ARHGEF3: variants seen among roughly 807,000 people sequenced by gnomAD.
ARHGEF3 encodes 59.8 kDA protein.
A neutral mutation model predicts 63.2 loss-of-function variants in ARHGEF3; 28 were observed. The observed-to-expected ratio is 0.44, with a 90% CI of 0.33 to 0.61. ARHGEF3 has a LOEUF of 0.61. Ranked by LOEUF, ARHGEF3 falls within the 20% of genes least tolerant of loss-of-function variation. The probability of loss-of-function intolerance (pLI) is 0.03; values close to 1 mark genes in which losing one functional copy is unlikely to be tolerated. For missense variants in ARHGEF3, 533 were observed against 659.3 expected, an observed-to-expected ratio of 0.81 and a Z score of 2.10; for synonymous variants, 266 against 254.2, an observed-to-expected ratio of 1.05 and a Z score of -0.44.
chr3:56,810,831 C>T (rs986606197), intron 4 of ARHGEF3, among the ~76,000 whole-genome samples: 1 of 152,168 alleles, frequency 6.6e-6, no homozygotes. Context: ...TCTTTGGCAG[C>T]AGACCCAGAA....
At chr3:56,915,045 T>G (rs754814321) in intron 3 of ARHGEF3, among the ~76,000 whole-genome samples, 3 of 152,168 alleles carry the variant, frequency 2.0e-5, no homozygotes, top group Non-Finnish European at 2.9e-5. Context: ...GAAAAAAAAT[T>G]AGTATGTCTA....
chr3:56,808,897 A>G (rs1578571279), intron 4 of ARHGEF3, among the ~76,000 whole-genome samples: 1 of 152,214 alleles, frequency 6.6e-6, no homozygotes, highest in South Asian at 2.1e-4. Context: ...AGCTTCCCAT[A>G]ACAAAGAATT....
At chr3:56,775,406 A>C in intron 1 of ARHGEF3, 1 of 1,031,752 alleles carries the variant, frequency 9.7e-7, no homozygotes, top group Non-Finnish European at 1.2e-6. Context: ...ATTCAATACA[A>C]TCTCACAATG....
chr3:56,813,492 G>A (rs949997250), intron 4 of ARHGEF3, among the ~76,000 whole-genome samples: 2 of 152,140 alleles, frequency 1.3e-5, no homozygotes, highest in African/African-American at 2.4e-5. Context: ...CTGTCTCACC[G>A]TGTTATCGAA....
chr3:56,751,454 T>C, intron 4 of ARHGEF3, 58 bp from the exon 5 acceptor site: 1 of 1,440,810 alleles, frequency 6.9e-7, no homozygotes, highest in Non-Finnish European at 9.7e-7. Flanking sequence ...AAGTACATTG[T>C]TCATGTAAGT....
intron 3 of ARHGEF3, chr3:56,939,760 G>C (rs1330177164): frequency 1.3e-5 from 2 of 152,178 alleles, no homozygotes; most frequent in African/African-American, 4.8e-5. Context: ...TGCCCACATG[G>C]AGTCAGACAG....
At chr3:57,073,063 G>GA in intron 1 of ARHGEF3, among the ~76,000 whole-genome samples, 1 of 151,934 alleles carries the variant, frequency 6.6e-6, no homozygotes, top group East Asian at 1.9e-4. Flanking sequence ...ATAAATAAAA[G>GA]AAAAAACATT....
intron 1 of ARHGEF3, chr3:56,775,600 A>G (rs7646054): frequency 0.58 from 569,034 of 985,346 alleles, 165,883 homozygotes; most frequent in East Asian, 0.83. Context: ...CCCAAGATGA[A>G]AGCCATTGCG....
chr3:56,967,573 T>C (rs1700604784), intron 2 of ARHGEF3, among the ~76,000 whole-genome samples: 1 of 89,846 alleles, frequency 1.1e-5, no homozygotes, highest in Non-Finnish European at 1.9e-5. Context: ...ATATAATATA[T>C]ATTATACATA....
chr3:56,960,396 G>A (rs553069876), intron 2 of ARHGEF3, among the ~76,000 whole-genome samples: 4 of 152,248 alleles, frequency 2.6e-5, no homozygotes, highest in Admixed American at 6.5e-5. Flanking sequence ...GTTTATTAGC[G>A]CTGTGACTCT....
At chr3:56,756,792 G>A (rs1458043566) in intron 2 of ARHGEF3, among the ~76,000 whole-genome samples, 5 of 151,914 alleles carry the variant, frequency 3.3e-5, no homozygotes, top group Non-Finnish European at 7.4e-5. Flanking sequence ...CTCGTGATCC[G>A]CCCGCCTCGG....
intron 4 of ARHGEF3, among the ~76,000 whole-genome samples, chr3:56,837,606 TGGAGC>T (rs2108096619): frequency 6.6e-6 from 1 of 152,322 alleles, no homozygotes; most frequent in African/African-American, 2.4e-5. Context: ...AAATGTTGTA[TGGAGC>T]AGGGCCTGTG....
intron 4 of ARHGEF3, among the ~76,000 whole-genome samples, chr3:56,871,800 G>A (rs897953950): frequency 3.3e-5 from 5 of 151,988 alleles, no homozygotes; most frequent in African/African-American, 1.2e-4. Flanking sequence ...TAAAATTCAG[G>A]GCATCTTCAA....
chr3:56,912,042 C>A (rs531254605), intron 3 of ARHGEF3, among the ~76,000 whole-genome samples: 10 of 151,954 alleles, frequency 6.6e-5, no homozygotes, highest in African/African-American at 2.2e-4. Context: ...CAGCCAATTA[C>A]ATTTTGAGTT....
At chr3:56,925,826 CAGGACA>C (rs2108379063) in intron 3 of ARHGEF3, among the ~76,000 whole-genome samples, 1 of 152,322 alleles carries the variant, frequency 6.6e-6, no homozygotes, top group Non-Finnish European at 1.5e-5. Context: ...ACCAAAGCCA[CAGGACA>C]GCCTGGCTCT....
chr3:56,947,505 C>A (rs905012710), intron 3 of ARHGEF3, among the ~76,000 whole-genome samples: 1 of 152,088 alleles, frequency 6.6e-6, no homozygotes, highest in African/African-American at 2.4e-5. Context: ...ACACTTTAAA[C>A]CAACAAAGAT....
chr3:56,882,441 C>T lies in ARHGEF3; in HGVS notation c.130-87G>A. On this transcript the variant is annotated intron_variant, in intron 3 of 12. Coordinates refer to the ARHGEF3 transcript ENST00000338458. ...CAAGAAAAAAAGCAATCAAATAGCA[C>T]ATGCAATCCTTATCATTTCTACCAT... 6.7e-6 allele frequency: 7 copies of T among 1,041,884 alleles called. No individual in the cohort carries two copies. In the South Asian group the frequency reaches 8.2e-5, roughly 12 times the overall value. The allele number at this position is 1,041,884 out of a possible 1,614,324, so 64.5% of individuals were successfully genotyped here. A position where few individuals can be genotyped will look rare whatever the true frequency, so the allele number is the denominator to read the frequency against.
At chr3:56,778,064 C>T (rs1425005721) in intron 1 of ARHGEF3, among the ~76,000 whole-genome samples, 2 of 152,128 alleles carry the variant, frequency 1.3e-5, no homozygotes, top group Non-Finnish European at 2.9e-5. Context: ...CACCCAGGAA[C>T]CTTCTAGGTG....
chr3:57,039,636 G>T (rs867262807), intron 1 of ARHGEF3, among the ~76,000 whole-genome samples: 2 of 152,190 alleles, frequency 1.3e-5, no homozygotes, highest in South Asian at 2.1e-4. Context: ...ACGTTCTAGA[G>T]GAGACTCTGT....
Sources: allele counts gnomAD v4.1 joint callset (sites outside exome capture counted in the v4.1 genomes callset), GRCh38; gene constraint gnomAD v4.1.1; transcripts MANE v1.5; gene names NCBI Gene and HGNC (gene_info 2026-07-23, HGNC 2026-07-21).